Variants in ABCA1 observed in about 807,000 individuals in gnomAD.
ABCA1 encodes the protein ATP binding cassette subfamily A member 1.
ABCA1 carries 133 observed loss-of-function variants against 262.5 expected under a neutral mutation model. That is an observed-to-expected ratio of 0.51 (90% CI 0.44 to 0.59). The LOEUF is 0.59. Among genes scored for constraint, ABCA1 ranks in the 20% least tolerant of loss-of-function variants. The pLI is 0.00. For missense variants in ABCA1, 2,452 were observed against 2,777.5 expected, an observed-to-expected ratio of 0.88 and a Z score of 2.63; for synonymous variants, 1,022 against 1,043.5, an observed-to-expected ratio of 0.98 and a Z score of 0.40.
At chr9:104,845,331 A>G in intron 8 of ABCA1, 146 bp downstream of exon 8, 1 of 687,146 alleles carries the variant, frequency 1.5e-6, no homozygotes, top group Middle Eastern at 2.4e-4. Flanking sequence ...AAATCAAAAC[A>G]TTATTGTTTA....
At position 104,837,431 on chromosome 9, in the gene ABCA1, A is replaced by T; in HGVS notation, c.1191T>A (p.Ala397=). The T allele has an allele frequency of 6.2e-7, 1 of 1,614,038 alleles. No homozygotes were observed. Among genetic ancestry groups the T allele is most frequent in the Non-Finnish European group, 8.5e-7 (1 of 1,179,920 alleles). ...TCTTGGGCTGGGGGCAGCTTACCTC[A>T]GCCATGACCTGCCTTGTGGCTGGAG... ...PDTPATRQVM[A]EVNKTFQELA... Residue 397 remains alanine, a synonymous_variant, in exon 10 of 50, where the codon GCT becomes GCA. Coordinates refer to ENST00000374736, the MANE Select transcript of ABCA1 (RefSeq NM_005502.4).
intron 1 of ABCA1, 139 bp from the exon 2 acceptor site, chr9:104,903,910 T>C (rs1840876181): frequency 1.7e-6 from 1 of 598,312 alleles, no homozygotes; most frequent in South Asian, 2.0e-5. Context: ...CAATGGATCA[T>C]GAGTCACCAG....
In ABCA1 at chr9:104,827,095, G is replaced by T; in HGVS notation, c.2190C>A (p.Ile730=). ...GTGTGCTAATCAGGAAGCACTGCAG[G>T]ATTGTCACCACAGCAAACACGGACA... is the stretch of plus-strand genomic sequence containing the variant. ...VFLSVFAVVT[I]LQCFLISTLF... Residue 730 remains isoleucine, a synonymous_variant, in exon 16 of 50, where the codon ATC becomes ATA. Coordinates refer to ENST00000374736, the MANE Select transcript of ABCA1 (RefSeq NM_005502.4). The T allele has an allele frequency of 1.2e-6, 2 of 1,614,188 alleles. No individual in the cohort carries two copies. Among genetic ancestry groups the T allele is most frequent in the Non-Finnish European group, 8.5e-7 (1 of 1,180,030 alleles).
chr9:104,819,234 A>G (rs1414941552), intron 22 of ABCA1, among the ~76,000 whole-genome samples: 1 of 152,210 alleles, frequency 6.6e-6, no homozygotes, highest in Non-Finnish European at 1.5e-5. Context: ...CCAATGTCTC[A>G]GGGCCAGCCA....
chr9:104,886,885 G>C (rs1056635026), intron 3 of ABCA1, among the ~76,000 whole-genome samples: 1 of 152,192 alleles, frequency 6.6e-6, no homozygotes, highest in East Asian at 1.9e-4. Flanking sequence ...TTTGTTCCTA[G>C]GGACAAGACA....
intron 34 of ABCA1, among the ~76,000 whole-genome samples, chr9:104,801,026 G>C (rs1830286969): frequency 6.7e-6 from 1 of 150,240 alleles, no homozygotes; most frequent in African/African-American, 2.5e-5. Flanking sequence ...TTTTATCAGA[G>C]CCCCTTAATT....
chr9:104,811,177 C>T (rs116888079), intron 28 of ABCA1, among the ~76,000 whole-genome samples: 1 of 152,208 alleles, frequency 6.6e-6, no homozygotes, highest in Non-Finnish European at 1.5e-5. Flanking sequence ...AGGCACTAAG[C>T]CAAGAAGTTC....
intron 2 of ABCA1, among the ~76,000 whole-genome samples, chr9:104,902,726 T>C (rs1382014665): frequency 2.0e-5 from 3 of 152,218 alleles, no homozygotes; most frequent in Admixed American, 2.0e-4. Context: ...AGCATTATTC[T>C]AGTTTGAGGA....
chr9:104,804,024 T>C (rs1830563407), intron 32 of ABCA1, among the ~76,000 whole-genome samples: 1 of 152,162 alleles, frequency 6.6e-6, no homozygotes, highest in Non-Finnish European at 1.5e-5. Flanking sequence ...CCATTTAAAG[T>C]CACTGAGATA....
intron 2 of ABCA1, among the ~76,000 whole-genome samples, chr9:104,895,239 C>T (rs1012257882): frequency 4.6e-5 from 7 of 152,232 alleles, no homozygotes; most frequent in Admixed American, 4.6e-4. Flanking sequence ...AAAGTCAAAG[C>T]TGCTCCAAGA....
chr9:104,922,292 G>C (rs1456501214), intron 1 of ABCA1, among the ~76,000 whole-genome samples: 1 of 152,114 alleles, frequency 6.6e-6, no homozygotes, highest in Non-Finnish European at 1.5e-5. Flanking sequence ...TACTTATTCA[G>C]GCAACTATTT....
chr9:104,918,913 G>C (rs73506147), intron 1 of ABCA1, among the ~76,000 whole-genome samples: 13,596 of 152,234 alleles, frequency 0.089, 789 homozygotes, highest in Admixed American at 0.19. Flanking sequence ...AGCGTGGTTT[G>C]ACTCTTGTGA....
At chr9:104,787,537 C>T (rs997739773) in intron 46 of ABCA1, among the ~76,000 whole-genome samples, 1 of 152,270 alleles carries the variant, frequency 6.6e-6, no homozygotes, top group Non-Finnish European at 1.5e-5. Context: ...ATCTGTTTTT[C>T]ATCTATCCGT....
At chr9:104,810,706 C>T in intron 29 of ABCA1, 94 bp downstream of exon 29, 1 of 1,591,310 alleles carries the variant, frequency 6.3e-7, no homozygotes, top group Non-Finnish European at 8.6e-7. Flanking sequence ...ATTCATTCCA[C>T]CGTGTAATTC....
In ABCA1 at chr9:104,840,537, G is replaced by T. The variant is rs1482286698; in HGVS notation, c.814-18C>A. ...CTGAACAGCTGGCGTCAGGGATGGG[G>T]ACAGAAAGGAGGGTAGGGGAAGGGA... is the stretch of plus-strand genomic sequence containing the variant. On this transcript the variant is annotated intron_variant, in intron 8 of 49. Coordinates refer to ENST00000374736, the MANE Select transcript of ABCA1 (RefSeq NM_005502.4). The T allele has an allele frequency of 6.2e-7, 1 of 1,609,910 alleles. No homozygotes were observed. The highest frequency in any genetic ancestry group is 1.1e-5 in the South Asian group (1 of 90,780).
In ABCA1 at chr9:104,884,458, G is replaced by A. The variant is rs1436757527; in HGVS notation, c.271C>T (p.Pro91Ser). 1.9e-6 allele frequency: 3 copies of A among 1,614,174 alleles called. No individual in the cohort carries two copies. Among genetic ancestry groups the A allele is most frequent in the Non-Finnish European group, 8.5e-7 (1 of 1,180,030 alleles). ...TTGTTAAAGTTTCCAACAACTCCGG[G>A]AGCCTCCCCAGGAGTCGGGTAACGG... ...CFRYPTPGEA[P>S]GVVGNFNKSI... Residue 91 changes from proline to serine, a missense_variant, in exon 4 of 50, where the codon CCC becomes TCC. Physicochemically the swap from Pro to Ser is moderately conservative, Grantham distance 74. This residue lies in a region of ABCA1 where 1,032 missense variants were observed against 1,089.7 expected (regional missense o/e 0.95). Coordinates refer to ENST00000374736, the MANE Select transcript of ABCA1 (RefSeq NM_005502.4).
Position 104,845,458 on chromosome 9 carries a change from C to A in ABCA1, c.813+19G>T, listed in dbSNP as rs1834784302. ...ACAGTGGATGATCCGCTTCCTGGTA[C>A]TGGAAAGACACAACTTACCTCCTGG... On this transcript the variant is annotated intron_variant, in intron 8 of 49. Coordinates refer to ENST00000374736, the MANE Select transcript of ABCA1 (RefSeq NM_005502.4). 6.3e-7 allele frequency: 1 copy of A among 1,588,788 alleles called. No individual in the cohort carries two copies. The highest frequency in any genetic ancestry group is 1.3e-5 in the African/African-American group (1 of 74,448).
At chr9:104,898,623 G>A (rs2118400237) in intron 2 of ABCA1, among the ~76,000 whole-genome samples, 1 of 151,908 alleles carries the variant, frequency 6.6e-6, no homozygotes, top group East Asian at 1.9e-4. Context: ...CCTTCCCCAG[G>A]AGAATTGGCC....
At chr9:104,898,538 C>A in intron 2 of ABCA1, among the ~76,000 whole-genome samples, 1 of 149,940 alleles carries the variant, frequency 6.7e-6, no homozygotes, top group African/African-American at 2.5e-5. Context: ...CAGAACTAGA[C>A]TCCGTCTTGA....
Sources: allele counts gnomAD v4.1 joint callset (sites outside exome capture counted in the v4.1 genomes callset), GRCh38; gene constraint gnomAD v4.1.1; regional missense constraint gnomAD v4.1.1; transcripts MANE v1.5; gene names NCBI Gene and HGNC (gene_info 2026-07-23, HGNC 2026-07-21).